The following KLHL8 variants were observed in gnomAD, a reference collection of about 807,000 sequenced individuals.
The protein encoded by KLHL8 is kelch-like protein 8.
A neutral mutation model predicts 63.5 loss-of-function variants in KLHL8; 38 were observed. The ratio of observed to expected loss-of-function variants is 0.60; its 90% confidence interval spans 0.46 to 0.78. The LOEUF is 0.78. Among genes scored for constraint, KLHL8 ranks in the 30% least tolerant of loss-of-function variants. The pLI, the probability that KLHL8 is intolerant of heterozygous loss-of-function variation, is 0.00. For synonymous variants in KLHL8, 224 were observed against 254.3 expected, an observed-to-expected ratio of 0.88 and a Z score of 1.13; for missense variants, 566 against 752.4, an observed-to-expected ratio of 0.75 and a Z score of 2.90.
intron 2 of KLHL8, among the ~76,000 whole-genome samples, chr4:87,193,741 G>A (rs1317107465): frequency 1.3e-5 from 2 of 152,196 alleles, no homozygotes; most frequent in South Asian, 2.1e-4. Context: ...TGTGAGTAAA[G>A]CACTGTGCTA....
chr4:87,170,056 TAGAG>T lies in KLHL8; in HGVS notation c.1537+19_1537+22del. 6.3e-7 allele frequency: 1 copy of T among 1,586,576 alleles called. No homozygotes were observed. The highest frequency in any genetic ancestry group is 8.6e-7 in the Non-Finnish European group (1 of 1,156,914). Reference sequence around the variant, plus strand: ...CTTGTCATTGTATATACTGATATATTAGAGAAATACCCATTTACTCACCAACTAC... The same window carrying T: ...CTTGTCATTGTATATACTGATATATTAAATACCCATTTACTCACCAACTAC... On this transcript the variant is annotated intron_variant, in intron 8 of 9. Transcript: ENST00000273963.
chr4:87,172,561 C>T (rs1321949987), intron 6 of KLHL8, among the ~76,000 whole-genome samples: 1 of 152,184 alleles, frequency 6.6e-6, no homozygotes, highest in Non-Finnish European at 1.5e-5. Context: ...ATGTTGTTTT[C>T]CTAATTCAGA....
At chr4:87,236,933 A>G (rs952762278) in intron 1 of KLHL8, among the ~76,000 whole-genome samples, 1 of 152,104 alleles carries the variant, frequency 6.6e-6, no homozygotes, top group African/African-American at 2.4e-5. Flanking sequence ...CAAAGTGCTG[A>G]GATTACAGGC....
chr4:87,226,945 T>G, intron 1 of KLHL8, among the ~76,000 whole-genome samples: 1 of 49,012 alleles, frequency 2.0e-5, no homozygotes, highest in Non-Finnish European at 3.9e-5. Context: ...AAATAATATA[T>G]ATTATATATA....
chr4:87,212,638 C>T (rs2110047412), intron 1 of KLHL8, among the ~76,000 whole-genome samples: 1 of 152,236 alleles, frequency 6.6e-6, no homozygotes, highest in East Asian at 1.9e-4. Context: ...CAGTCATGTG[C>T]TGCATATCAG....
At chr4:87,193,356 C>G (rs75750423) in intron 2 of KLHL8, among the ~76,000 whole-genome samples, 1 of 152,142 alleles carries the variant, frequency 6.6e-6, no homozygotes, top group African/African-American at 2.4e-5. Context: ...CACTGTCTTC[C>G]GCCTCCAGAT....
intron 1 of KLHL8, chr4:87,207,864 G>A: frequency 1.3e-6 from 2 of 1,528,810 alleles, no homozygotes; most frequent in East Asian, 2.3e-5. Context: ...ACATCAAGAA[G>A]GTGGTGAAGC....
intron 1 of KLHL8, among the ~76,000 whole-genome samples, chr4:87,231,450 C>A (rs1052956999): frequency 6.6e-6 from 1 of 152,136 alleles, no homozygotes; most frequent in Admixed American, 6.5e-5. Context: ...ATGCCACCTG[C>A]AGAATAATGG....
chr4:87,185,084 C>T (rs1315269852), intron 3 of KLHL8, among the ~76,000 whole-genome samples, 167 bp downstream of exon 3: 1 of 152,170 alleles, frequency 6.6e-6, no homozygotes, highest in Non-Finnish European at 1.5e-5. Context: ...TGAAACAGCA[C>T]AGCAAGTTAA....
chr4:87,183,444 TAA>T, intron 3 of KLHL8, 55 bp from the exon 4 acceptor site: 2 of 1,321,574 alleles, frequency 1.5e-6, no homozygotes, highest in Non-Finnish European at 2.1e-6. Context: ...TGGGAAAATA[TAA>T]AGTCTAAAAA....
At chr4:87,178,920 T>C (rs904110615) in intron 4 of KLHL8, among the ~76,000 whole-genome samples, 7 of 152,208 alleles carry the variant, frequency 4.6e-5, no homozygotes, top group Non-Finnish European at 1.0e-4. Flanking sequence ...TAATTTCTTA[T>C]TGAACACAAT....
In KLHL8 at chr4:87,211,739, A is replaced by G. The variant is rs1732415676; in HGVS notation, c.-152+8679T>C. Among the ~76,000 whole-genome samples, 13 of 152,288 alleles carry G rather than the reference A, an allele frequency of 8.5e-5. No homozygotes were observed. The South Asian group carries it at 2.7e-3, about 32-fold the overall frequency. ...CGAGATCACTGAGTTGGAAAGAATA[A>G]TTTCCTAACTGGAAGTCAGGGCGTG... On this transcript the variant is annotated intron_variant, in intron 1 of 9. Transcript: ENST00000273963.
At position 87,160,617 on chromosome 4, in the gene KLHL8, T is replaced by C. The variant is rs1428556072; in HGVS notation, c.*2902A>G. ...TTCAAACATTTTAGAAATAATCAAT[T>C]AATTACATAAGTATATAGTGAAATC... is the stretch of plus-strand genomic sequence containing the variant. On this transcript the variant is annotated 3_prime_UTR_variant, in exon 10 of 10. Coordinates refer to ENST00000273963, the MANE Select transcript of KLHL8 (RefSeq NM_020803.5). 6.6e-6 allele frequency: 1 copy of C among 152,172 alleles called. No individual in the cohort carries two copies. The highest frequency in any genetic ancestry group is 1.5e-5 in the Non-Finnish European group (1 of 68,006). 9.4% of individuals were successfully genotyped at this position (152,172 alleles called of 1,614,324 possible).
Position 87,195,433 on chromosome 4 carries a change from C to T in KLHL8, c.107G>A (p.Gly36Asp), listed in dbSNP as rs1429286429. 3 of 1,613,692 alleles carry T rather than the reference C, an allele frequency of 1.9e-6. No individual in the cohort carries two copies. Among genetic ancestry groups the T allele is most frequent in the Non-Finnish European group, 2.5e-6 (3 of 1,179,792 alleles). Residue 36 changes from glycine to aspartate, a missense_variant, in exon 2 of 10, where the codon GGT becomes GAT. Coordinates refer to ENST00000273963, the MANE Select transcript of KLHL8 (RefSeq NM_020803.5). ...QIKNRSSISD[G>D]DGEDSFIFEA... ...AAAAATAAAGGAATCTTCTCCATCA[C>T]CATCACTAATTGAGGATCTGTTCTT...
chr4:87,230,769 A>G (rs796776127), intron 1 of KLHL8, among the ~76,000 whole-genome samples: 1 of 152,200 alleles, frequency 6.6e-6, no homozygotes, highest in Non-Finnish European at 1.5e-5. Flanking sequence ...AATCTTCTCA[A>G]TTCCTGCCCC....
At chr4:87,226,955 AAG>A (rs1157467625) in intron 1 of KLHL8, among the ~76,000 whole-genome samples, 1 of 55,234 alleles carries the variant, frequency 1.8e-5, no homozygotes, top group African/African-American at 6.6e-5. Flanking sequence ...TATTATATAT[AAG>A]TAATATATAT....
At chr4:87,208,681 A>AT (rs1732264592) in intron 1 of KLHL8, among the ~76,000 whole-genome samples, 1 of 152,106 alleles carries the variant, frequency 6.6e-6, no homozygotes, top group African/African-American at 2.4e-5. Flanking sequence ...TGTGTCCTAT[A>AT]TGAGTATTAT....
At chr4:87,196,099 A>C (rs907004061) in intron 1 of KLHL8, among the ~76,000 whole-genome samples, 4 of 151,336 alleles carry the variant, frequency 2.6e-5, no homozygotes, top group Non-Finnish European at 5.9e-5. Flanking sequence ...ACATGCTTGA[A>C]CCATCATACG....
intron 8 of KLHL8, among the ~76,000 whole-genome samples, chr4:87,166,478 A>T (rs753465969): frequency 4.6e-5 from 7 of 152,230 alleles, no homozygotes; most frequent in African/African-American, 7.2e-5. Context: ...TGTACTGGGG[A>T]ACTACAAAGT....
Sources: allele counts gnomAD v4.1 joint callset (sites outside exome capture counted in the v4.1 genomes callset), GRCh38; gene constraint gnomAD v4.1.1; transcripts MANE v1.5; gene names NCBI Gene and HGNC (gene_info 2026-07-23, HGNC 2026-07-21).